The following EPHX2 variants were observed in gnomAD, a reference collection of about 807,000 sequenced individuals.
The protein encoded by EPHX2 is epoxide hydrolase 2.
A neutral mutation model predicts 78.7 loss-of-function variants in EPHX2; 74 were observed. That is an observed-to-expected ratio of 0.94 (90% confidence interval 0.78 to 1.14). The LOEUF (loss-of-function observed/expected upper bound fraction) is 1.14. EPHX2 is among the 50% of genes most tolerant of loss of function. EPHX2 has a pLI of 0.00. For synonymous variants in EPHX2, 251 were observed against 255.2 expected (o/e 0.98, Z 0.16); for missense variants, 715 against 702.5 (o/e 1.02, Z -0.20).
downstream of EPHX2, among the ~76,000 whole-genome samples, chr8:27,547,765 A>G (rs1426071655): frequency 6.6e-6 from 1 of 152,050 alleles, no homozygotes. Flanking sequence ...CTAGGAAATG[A>G]ATTTTTTTTT....
At chr8:27,510,897 T>G (rs1814214586) in intron 5 of EPHX2, among the ~76,000 whole-genome samples, 1 of 152,076 alleles carries the variant, frequency 6.6e-6, no homozygotes, top group African/African-American at 2.4e-5. Context: ...TGCAGTGAGC[T>G]GTGATCACAT....
At chr8:27,527,978 C>G (rs1814906564) in intron 12 of EPHX2, among the ~76,000 whole-genome samples, 1 of 152,152 alleles carries the variant, frequency 6.6e-6, no homozygotes, top group African/African-American at 2.4e-5. Context: ...GCCTGTTTGA[C>G]TCCAAAGCCC....
At chr8:27,521,026 A>G in intron 10 of EPHX2, 117 bp downstream of exon 10, 1 of 1,212,402 alleles carries the variant, frequency 8.2e-7, no homozygotes, top group South Asian at 1.2e-5. Flanking sequence ...ATTTTGGGGC[A>G]GTTTAGGGCA....
intron 16 of EPHX2, among the ~76,000 whole-genome samples, chr8:27,543,429 T>C (rs914357165): frequency 2.0e-5 from 3 of 152,152 alleles, no homozygotes; most frequent in African/African-American, 7.2e-5. Context: ...ATCTATTTAA[T>C]TCAGGGAAGA....
chr8:27,544,448 A>G lies in EPHX2; in HGVS notation c.1594A>G (p.Thr532Ala). Residue 532 changes from threonine (T) to alanine (A), a missense_variant, in exon 19 of 19, where the codon ACC (threonine) becomes GCC (alanine). By Grantham distance (58) the Thr-to-Ala change is moderately conservative. Transcript: ENST00000521400. The stretch of plus-strand genomic sequence containing the variant: ...TTACTTCTCCCTTTCCCCCAGGCCA[A>G]CCGAGGTGAATCAGATCCTCATTAA... ...CGHWTQMDKPTEVNQILIKWL... is the reference protein window; with the variant it reads ...CGHWTQMDKPAEVNQILIKWL... 1 of 1,614,018 alleles carries G rather than the reference A, an allele frequency of 6.2e-7. No homozygotes were observed. Among genetic ancestry groups the G allele is most frequent in the Non-Finnish European group, 8.5e-7 (1 of 1,180,014 alleles).
At chr8:27,548,287 A>G (rs62504306), downstream of EPHX2, among the ~76,000 whole-genome samples, 4,704 of 152,342 alleles carry the variant, frequency 0.031, 65 homozygotes, top group Middle Eastern at 0.072. Context: ...CCACATTACC[A>G]TCAATACAAA....
chr8:27,522,098 G>A (rs72475880), intron 10 of EPHX2, among the ~76,000 whole-genome samples: 2 of 151,462 alleles, frequency 1.3e-5, no homozygotes, highest in African/African-American at 4.9e-5. Context: ...CATGGAACAT[G>A]AAGAGGTAAG....
intron 1 of EPHX2, among the ~76,000 whole-genome samples, chr8:27,493,812 A>G (rs1205502626): frequency 6.6e-6 from 1 of 152,160 alleles, no homozygotes; most frequent in Non-Finnish European, 1.5e-5. Flanking sequence ...TCATTTTCCC[A>G]CACTCCTAGA....
chr8:27,504,461 G>C (rs1266596034), intron 3 of EPHX2, among the ~76,000 whole-genome samples: 1 of 152,196 alleles, frequency 6.6e-6, no homozygotes, highest in Non-Finnish European at 1.5e-5. Context: ...TTTTGAAATA[G>C]AAACCTAGTC....
At chr8:27,522,733 G>A (rs547430460) in intron 11 of EPHX2, among the ~76,000 whole-genome samples, 5 of 151,982 alleles carry the variant, frequency 3.3e-5, no homozygotes, top group African/African-American at 1.2e-4. Context: ...GCCAAGGTGG[G>A]TGGATCACCT....
downstream of EPHX2, among the ~76,000 whole-genome samples, chr8:27,546,936 T>C (rs1403219962): frequency 6.6e-6 from 1 of 151,964 alleles, no homozygotes; most frequent in Non-Finnish European, 1.5e-5. Context: ...AAACTTACAA[T>C]CATGGCAGAC....
intron 12 of EPHX2, among the ~76,000 whole-genome samples, chr8:27,536,501 A>G (rs72477504): frequency 0.025 from 3,866 of 152,252 alleles, 144 homozygotes; most frequent in African/African-American, 0.075. Flanking sequence ...TCAAGAGATT[A>G]TTATAAGTAG....
In EPHX2 at chr8:27,531,059, G is replaced by T. The variant is rs141449012; in HGVS notation, c.1170+5586G>T. On this transcript the variant is annotated intron_variant, in intron 12 of 18. Transcript: ENST00000521400. ...ATTACAGGCATGAGCCACCACGCCC[G>T]GCTGTTACTTTAATTTTTATGCCCT... Among the ~76,000 whole-genome samples, 656 of 152,238 alleles carry T rather than the reference G, an allele frequency of 4.3e-3. 5 individuals are homozygous for T. Among genetic ancestry groups the T allele is most frequent in the African/African-American group, 0.015 (630 of 41,552 alleles).
intron 12 of EPHX2, among the ~76,000 whole-genome samples, chr8:27,535,678 G>A (rs904806112): frequency 1.3e-5 from 2 of 152,066 alleles, no homozygotes; most frequent in African/African-American, 4.8e-5. Context: ...ATCCATGGAT[G>A]GATCTCTTGT....
chr8:27,520,591 C>T (rs953752308), intron 9 of EPHX2, among the ~76,000 whole-genome samples: 5 of 151,754 alleles, frequency 3.3e-5, no homozygotes, highest in Non-Finnish European at 5.9e-5. Flanking sequence ...ATGTTCTGCC[C>T]GCCTCGGCCT....
intron 1 of EPHX2, chr8:27,493,162 G>A (rs1375743400): frequency 6.3e-6 from 1 of 159,170 alleles, no homozygotes; most frequent in African/African-American, 2.4e-5. Flanking sequence ...TACAGGGACT[G>A]AAGGTGAGTA....
intron 16 of EPHX2, among the ~76,000 whole-genome samples, chr8:27,542,502 T>A (rs565698062): frequency 6.0e-4 from 91 of 152,294 alleles, no homozygotes; most frequent in African/African-American, 2.1e-3. Context: ...CCATTAGTGT[T>A]CCTTGTCATT....
chr8:27,523,664 TAA>T, intron 11 of EPHX2, among the ~76,000 whole-genome samples: 1 of 152,348 alleles, frequency 6.6e-6, no homozygotes, highest in East Asian at 1.9e-4. Flanking sequence ...AAAATATTGT[TAA>T]AGTTTTCATG....
intron 1 of EPHX2, among the ~76,000 whole-genome samples, chr8:27,496,678 C>G (rs1813585420): frequency 6.6e-6 from 1 of 152,146 alleles, no homozygotes; most frequent in East Asian, 1.9e-4. Context: ...TCTTACTAAG[C>G]CTTGAACTTT....
Sources: gnomAD v4.1 joint callset for allele counts (sites outside exome capture counted in the v4.1 genomes callset) on GRCh38, gnomAD v4.1.1 for gene constraint, MANE v1.5 for transcripts, NCBI Gene and HGNC (gene_info 2026-07-23, HGNC 2026-07-21) for gene names.